Variants in DGAT2 observed in about 807,000 individuals in gnomAD.
DGAT2 encodes diacylglycerol O-acyltransferase 2, also known as acyl-CoA retinol O-fatty-acyltransferase.
DGAT2 carries 33 observed loss-of-function variants against 48.4 expected under a neutral mutation model. The observed-to-expected ratio is 0.68, with a 90% CI of 0.52 to 0.91. DGAT2 has a LOEUF of 0.91. DGAT2 is among the 40% of genes least tolerant of loss of function. The probability of loss-of-function intolerance (pLI) is 0.00; values close to 1 mark genes in which losing one functional copy is unlikely to be tolerated. For missense variants in DGAT2, 446 were observed against 493.7 expected, an observed-to-expected ratio of 0.90 and a Z score of 0.92; for synonymous variants, 191 against 194.1, an observed-to-expected ratio of 0.98 and a Z score of 0.13.
In DGAT2 at chr11:75,772,894, G is replaced by A. The variant is rs1482705279; in HGVS notation, c.121+3782G>A. Reference sequence around the variant, plus strand: ...AATCCCAGCTACTTGGGAGGCTGAGGCAGGATAGTCGCTTGAACCCAGGAG... The same window carrying A: ...AATCCCAGCTACTTGGGAGGCTGAGACAGGATAGTCGCTTGAACCCAGGAG... On this transcript the variant is annotated intron_variant, in intron 1 of 7. Transcript: ENST00000228027. 2.0e-5 allele frequency among the ~76,000 whole-genome samples: 3 copies of A among 152,320 alleles called. No individual in the cohort carries two copies. The East Asian group carries it at 5.8e-4, about 29-fold the overall frequency.
Position 75,769,097 on chromosome 11 carries a change from G to A in DGAT2, c.106G>A (p.Gly36Arg), listed in dbSNP as rs1279299525. The change falls in exon 1 of 8, where the codon GGG becomes AGG. Residue 36 changes from glycine to arginine, a missense_variant. Transcript: ENST00000228027. ...SHGGPALSRE[G>R]SGRWGTGSSI... is the part of the protein sequence containing the mutation. Reference sequence around the variant, plus strand: ...CGGAGGACCTGCGCTGTCGCGCGAGGGGTCTGGGAGATGGGGTGAGTGCCA... The same window carrying A: ...CGGAGGACCTGCGCTGTCGCGCGAGAGGTCTGGGAGATGGGGTGAGTGCCA... 1 of 1,568,306 alleles carries A rather than the reference G, an allele frequency of 6.4e-7. No homozygotes were observed. The highest frequency in any genetic ancestry group is 1.9e-5 in the Admixed American group (1 of 52,050).
intron 2 of DGAT2, among the ~76,000 whole-genome samples, chr11:75,789,567 G>A (rs1416307740): frequency 3.9e-5 from 6 of 152,158 alleles, no homozygotes; most frequent in Admixed American, 2.0e-4. Context: ...TCCCCTCTCC[G>A]GTCCCTCTAG....
At position 75,768,830 on chromosome 11, in the gene DGAT2, T is replaced by TGGCCGCC. The variant is rs1017500379; in HGVS notation, c.-155_-149dup. On this transcript the variant is annotated 5_prime_UTR_variant, in exon 1 of 8. Transcript: ENST00000228027. ...TAGGCTGTTTCTCTCGCGCCACCAC[T>TGGCCGCC]GGCCGCCGGCCGCAGCTCCAGGTGT... 1 of 943,930 alleles carries TGGCCGCC rather than the reference T, an allele frequency of 1.1e-6. No homozygotes were observed. The highest frequency in any genetic ancestry group is 1.4e-6 in the Non-Finnish European group (1 of 700,466). The allele number at this position is 943,930 out of a possible 1,614,324, so 58.5% of individuals were successfully genotyped here.
chr11:75,799,176 G>A (rs1323862370), intron 7 of DGAT2, among the ~76,000 whole-genome samples: 1 of 152,198 alleles, frequency 6.6e-6, no homozygotes, highest in Non-Finnish European at 1.5e-5. Context: ...CTTTTAGGTA[G>A]AGACAAAGCA....
rs1175363900 is a variant in DGAT2 at position 75,800,348 on chromosome 11, C to T, written c.1013-6C>T. ...CTAACCAGAAGCCTCTGCCCTGTCC[C>T]TGCAGTGGGAGAGCCCATCACCATC... On this transcript the variant is annotated splice_polypyrimidine_tract_variant and splice_region_variant and intron_variant, in intron 7 of 7. Transcript: ENST00000228027. The T allele has an allele frequency of 6.2e-7, 1 of 1,613,976 alleles. No individual in the cohort carries two copies. The highest frequency in any genetic ancestry group is 8.5e-7 in the Non-Finnish European group (1 of 1,179,924).
intron 4 of DGAT2, chr11:75,795,253 G>T (rs1430991232): frequency 6.6e-6 from 1 of 152,056 alleles, no homozygotes; most frequent in East Asian, 1.9e-4. Context: ...TCAAACTCCT[G>T]AGCTGAAGCA....
intron 6 of DGAT2, 116 bp downstream of exon 6, chr11:75,797,448 G>A (rs1228048360): frequency 4.1e-6 from 5 of 1,222,180 alleles, no homozygotes; most frequent in Middle Eastern, 3.1e-4. Flanking sequence ...AAGGGAGTCA[G>A]TCATTCTGTT....
At chr11:75,798,493 A>G (rs1299830539) in intron 7 of DGAT2, 64 bp downstream of exon 7, 2 of 1,557,110 alleles carry the variant, frequency 1.3e-6, no homozygotes, top group Non-Finnish European at 8.7e-7. Flanking sequence ...GCTAATCAGC[A>G]GTAGAGACGG....
intron 1 of DGAT2, among the ~76,000 whole-genome samples, chr11:75,775,030 A>G (rs887686730): frequency 1.3e-5 from 2 of 152,206 alleles, no homozygotes; most frequent in African/African-American, 2.4e-5. Flanking sequence ...TGAAAGTTCT[A>G]CTTGATGAAA....
intron 1 of DGAT2, among the ~76,000 whole-genome samples, chr11:75,784,155 A>G (rs189733698): frequency 1.5e-4 from 23 of 152,262 alleles, no homozygotes; most frequent in African/African-American, 5.5e-4. Context: ...TGCTCAAAGT[A>G]CACTTGGAGA....
rs565813253 is a variant in DGAT2 at position 75,798,102 on chromosome 11, C to A, written c.810-125C>A. On this transcript the variant is annotated intron_variant, in intron 6 of 7. Transcript: ENST00000228027. Reference sequence around the variant, plus strand: ...GAGGGATCATGTGAACTTGGGACACCCAGGTAATTCTGGTACACCCAGCTG... The same window carrying A: ...GAGGGATCATGTGAACTTGGGACACACAGGTAATTCTGGTACACCCAGCTG... 3.9e-5 allele frequency: 37 copies of A among 952,626 alleles called. No individual in the cohort carries two copies. In the East Asian group the frequency reaches 8.6e-4, roughly 22 times the overall value. 59.0% of individuals were successfully genotyped at this position (952,626 alleles called of 1,614,324 possible). A position where few individuals can be genotyped will look rare whatever the true frequency, so the allele number is the denominator to read the frequency against.
At chr11:75,796,306 T>G (rs1945051812) in intron 4 of DGAT2, 22 bp from the exon 5 acceptor site, 1 of 1,607,738 alleles carries the variant, frequency 6.2e-7, no homozygotes, top group South Asian at 1.1e-5. Context: ...CAGTTTCCTC[T>G]GACCCAAGGT....
chr11:75,798,232 A>T lies in DGAT2; in HGVS notation c.815A>T (p.Asp272Val), dbSNP rs765038504. The change falls in exon 7 of 8, where the codon GAC becomes GTC. Residue 272 changes from aspartate to valine, a missense_variant. Transcript: ENST00000228027. ...FVKLALRHGA[D>V]LVPIYSFGEN... The stretch of plus-strand genomic sequence containing the variant: ...CCCTGGCCTCTCCCTTCCAGAGCTG[A>T]CCTGGTTCCCATCTACTCCTTTGGA... 2 of 1,614,066 alleles carry T rather than the reference A, an allele frequency of 1.2e-6. No homozygotes were observed. The highest frequency in any genetic ancestry group is 1.7e-6 in the Non-Finnish European group (2 of 1,180,032).
intron 7 of DGAT2, among the ~76,000 whole-genome samples, chr11:75,799,937 C>G (rs1945093716): frequency 6.6e-6 from 1 of 152,114 alleles, no homozygotes; most frequent in South Asian, 2.1e-4. Flanking sequence ...TAAAGCATGT[C>G]ACATTCCTTG....
At position 75,769,637 on chromosome 11, in the gene DGAT2, G is replaced by T. The variant is rs114489300; in HGVS notation, c.121+525G>T. Among the ~76,000 whole-genome samples the T allele has an allele frequency of 9.0e-3, 1,374 of 152,256 alleles. 22 individuals carry two copies. Among genetic ancestry groups the T allele is most frequent in the African/African-American group, 0.032 (1,324 of 41,536 alleles). On this transcript the variant is annotated intron_variant, in intron 1 of 7. Transcript: ENST00000228027. ...AGGACCCTGCATGTCCTCCAAGGTA[G>T]AACTGAGGTCCTCAGTGAATCGCGC...
Position 75,791,386 on chromosome 11 carries a change from C to T in DGAT2, c.429+655C>T, listed in dbSNP as rs545645626. ...ATCCTTAGCCTAAGCCCAGTCTTCC[C>T]GGGACCTTCCTGCTCCTCAGGGTCA... On this transcript the variant is annotated intron_variant, in intron 4 of 7. Transcript: ENST00000228027. Among the ~76,000 whole-genome samples, 11 of 152,316 alleles carry T rather than the reference C, an allele frequency of 7.2e-5. No individual in the cohort carries two copies. In the South Asian group the frequency reaches 1.9e-3, roughly 26 times the overall value.
intron 1 of DGAT2, among the ~76,000 whole-genome samples, chr11:75,775,117 G>A (rs553925526): frequency 5.3e-5 from 8 of 152,332 alleles, no homozygotes; most frequent in Admixed American, 5.2e-4. Context: ...ATCTTCTGTG[G>A]ATAAAAATTC....
intron 1 of DGAT2, among the ~76,000 whole-genome samples, chr11:75,774,526 C>T (rs909597858): frequency 6.6e-6 from 1 of 152,218 alleles, no homozygotes; most frequent in Non-Finnish European, 1.5e-5. Flanking sequence ...AACACTGCCT[C>T]TTAGGGCCTC....
intron 1 of DGAT2, chr11:75,773,682 G>A (rs1944778669): frequency 6.6e-6 from 1 of 152,302 alleles, no homozygotes; most frequent in Non-Finnish European, 1.5e-5. Flanking sequence ...TTGGGGTGTG[G>A]ACCCTTCATT....
Sources: allele counts gnomAD v4.1 joint callset (sites outside exome capture counted in the v4.1 genomes callset), GRCh38; gene constraint gnomAD v4.1.1; transcripts MANE v1.5; gene names NCBI Gene and HGNC (gene_info 2026-07-23, HGNC 2026-07-21).